Variants in TTLL6 observed in about 807,000 individuals in gnomAD.
TTLL6 encodes the protein tubulin tyrosine ligase like 6.
In TTLL6, 75 loss-of-function variants were observed where a neutral mutation model predicts 96.4. The observed-to-expected ratio is 0.78, with a 90% CI of 0.65 to 0.94. TTLL6 has a LOEUF of 0.94. TTLL6 is among the 40% of genes least tolerant of loss of function. The pLI is 0.00. For synonymous variants in TTLL6, 411 were observed against 419.4 expected (o/e 0.98, Z 0.24); for missense variants, 1,030 against 1,093.0 (o/e 0.94, Z 0.81).
chr17:48,773,900 T>C (rs573787248), intron 13 of TTLL6, among the ~76,000 whole-genome samples: 24 of 150,206 alleles, frequency 1.6e-4, no homozygotes, highest in Non-Finnish European at 3.1e-4. Flanking sequence ...CTGACCAACA[T>C]GGAGAAACCC....
At chr17:48,810,587 T>A (rs2143487967) in intron 1 of TTLL6, among the ~76,000 whole-genome samples, 2 of 151,910 alleles carry the variant, frequency 1.3e-5, no homozygotes, top group South Asian at 4.2e-4. Flanking sequence ...TCCTAACACT[T>A]CGGGAGGCCG....
At chr17:48,777,994 G>A (rs540880011) in intron 13 of TTLL6, among the ~76,000 whole-genome samples, 3 of 151,912 alleles carry the variant, frequency 2.0e-5, no homozygotes, top group African/African-American at 7.3e-5. Context: ...CAACAACCAT[G>A]CTGGGCGCCC....
chr17:48,816,823 A>G (rs2143518668), intron 1 of TTLL6, 147 bp downstream of exon 1: 1 of 550,652 alleles, frequency 1.8e-6, no homozygotes, highest in East Asian at 3.4e-5. Context: ...GCCTGGCGCC[A>G]TGGAACGCCA....
At chr17:48,795,710 T>C (rs868057363) in intron 8 of TTLL6, among the ~76,000 whole-genome samples, 1 of 152,306 alleles carries the variant, frequency 6.6e-6, no homozygotes, top group South Asian at 2.1e-4. Flanking sequence ...CCTTCTCACG[T>C]GGCAGACTAG....
chr17:48,786,445 T>G, intron 11 of TTLL6, 110 bp from the exon 12 acceptor site: 2 of 1,238,980 alleles, frequency 1.6e-6, no homozygotes, highest in African/African-American at 1.5e-5. Context: ...AAGTTCCACA[T>G]TCCCTCCTCC....
At chr17:48,779,372 A>AG (rs1009714769) in intron 13 of TTLL6, among the ~76,000 whole-genome samples, 9 of 150,938 alleles carry the variant, frequency 6.0e-5, no homozygotes, top group African/African-American at 1.9e-4. Flanking sequence ...AAAAAAAAAA[A>AG]AAAAAAGACA....
intron 15 of TTLL6, among the ~76,000 whole-genome samples, chr17:48,764,812 C>A (rs2038564306): frequency 1.3e-5 from 2 of 152,072 alleles, no homozygotes; most frequent in South Asian, 4.2e-4. Context: ...CATTATTTGG[C>A]CTAAAAGCAG....
intron 8 of TTLL6, among the ~76,000 whole-genome samples, chr17:48,792,818 C>CCAATT (rs1261714252): frequency 1.3e-5 from 2 of 152,070 alleles, no homozygotes; most frequent in African/African-American, 4.8e-5. Flanking sequence ...TCGCTTTAAG[C>CCAATT]CAATTTTTTT....
intron 13 of TTLL6, among the ~76,000 whole-genome samples, chr17:48,779,558 C>G: frequency 6.6e-6 from 1 of 151,862 alleles, no homozygotes; most frequent in East Asian, 1.9e-4. Context: ...GGTAGTTATA[C>G]AAGGAAATGA....
At chr17:48,765,354 G>C (rs979696650) in intron 15 of TTLL6, among the ~76,000 whole-genome samples, 1 of 152,112 alleles carries the variant, frequency 6.6e-6, no homozygotes, top group African/African-American at 2.4e-5. Flanking sequence ...TGAGATTATA[G>C]TGAGCCATGA....
At chr17:48,798,318 G>C (rs1200437871) in intron 6 of TTLL6, among the ~76,000 whole-genome samples, 2 of 152,108 alleles carry the variant, frequency 1.3e-5, no homozygotes, top group African/African-American at 2.4e-5. Flanking sequence ...TGTAATCCCA[G>C]CACTTTTGGA....
Position 48,762,887 on chromosome 17 carries a change from A to G in TTLL6, c.*87T>C. On this transcript the variant is annotated 3_prime_UTR_variant, in exon 16 of 16. Transcript: ENST00000393382. ...AAACAAAACTTCAGTTGATTCTGTG[A>G]ACACTGGAGACACTGTCGGAAGAGA... is the stretch of plus-strand genomic sequence containing the variant. 1 of 454,522 alleles carries G rather than the reference A, an allele frequency of 2.2e-6. No homozygotes were observed. The highest frequency in any genetic ancestry group is 1.6e-5 in the South Asian group (1 of 63,870). 28.2% of individuals were successfully genotyped at this position (454,522 alleles called of 1,614,324 possible).
chr17:48,772,959 G>A (rs987118613), intron 13 of TTLL6, among the ~76,000 whole-genome samples: 1 of 120,034 alleles, frequency 8.3e-6, no homozygotes, highest in African/African-American at 3.3e-5. Context: ...AGCTGTAATT[G>A]TGTCACTGCA....
At chr17:48,796,278 T>G in intron 7 of TTLL6, 132 bp from the exon 8 acceptor site, 1 of 637,834 alleles carries the variant, frequency 1.6e-6, no homozygotes, top group African/African-American at 1.8e-5. Flanking sequence ...TTATTTAGTG[T>G]GGCAAAATAC....
intron 3 of TTLL6, 54 bp downstream of exon 3, chr17:48,803,837 T>C (rs890265448): frequency 2.3e-5 from 35 of 1,535,396 alleles, no homozygotes; most frequent in Non-Finnish European, 3.0e-5. Context: ...TTCCCAACCC[T>C]TTGGGAGAAT....
intron 15 of TTLL6, among the ~76,000 whole-genome samples, chr17:48,763,534 T>C (rs1453172497): frequency 6.6e-6 from 1 of 152,164 alleles, no homozygotes; most frequent in Non-Finnish European, 1.5e-5. Flanking sequence ...CAGTGGCTCA[T>C]GCCTGTAATC....
intron 7 of TTLL6, 67 bp downstream of exon 7, chr17:48,796,994 A>T (rs1448009653): frequency 1.4e-6 from 2 of 1,421,098 alleles, no homozygotes; most frequent in Admixed American, 5.2e-5. Context: ...TGTGGATTTA[A>T]CTAGAATTTT....
In TTLL6 at chr17:48,777,047, C is replaced by CACAT. The variant is rs1555563994; in HGVS notation, c.2041-6951_2041-6950insATGT. Among the ~76,000 whole-genome samples the CACAT allele has an allele frequency of 2.6e-5, 4 of 151,794 alleles. No individual in the cohort carries two copies. The South Asian group carries it at 8.3e-4, about 32-fold the overall frequency. ...ACACACACACACACACACACACACA[C>CACAT]ACCCCTAAAAAATCAAAGGAACAGA... On this transcript the variant is annotated intron_variant, in intron 13 of 15. Coordinates refer to ENST00000393382, the MANE Select transcript of TTLL6 (RefSeq NM_001130918.3).
chr17:48,794,142 C>T, intron 8 of TTLL6: 2 of 1,608,764 alleles, frequency 1.2e-6, no homozygotes, highest in Non-Finnish European at 1.7e-6. Flanking sequence ...GGGAGATGAA[C>T]AGAGGAAGAG....
Sources: gnomAD v4.1 joint callset for allele counts (sites outside exome capture counted in the v4.1 genomes callset) on GRCh38, gnomAD v4.1.1 for gene constraint, MANE v1.5 for transcripts, NCBI Gene and HGNC (gene_info 2026-07-23, HGNC 2026-07-21) for gene names.